Variants in PDZD2 observed in about 807,000 individuals in gnomAD.
PDZD2 encodes the protein PDZ domain-containing protein 2.
Under a neutral mutation model 220.7 loss-of-function variants are expected in PDZD2, and 90 were observed. That is an observed-to-expected ratio of 0.41 (90% CI 0.34 to 0.49). The LOEUF (loss-of-function observed/expected upper bound fraction) is 0.49, where lower values mean the gene tolerates loss of function less well. Ranked by LOEUF, PDZD2 falls within the 20% of genes least tolerant of loss-of-function variation. The probability of loss-of-function intolerance (pLI) is 0.28; values close to 1 mark genes in which losing one functional copy is unlikely to be tolerated. For missense variants in PDZD2, 3,174 were observed against 3,608.5 expected (o/e 0.88, Z 3.08); for synonymous variants, 1,375 against 1,450.5 (o/e 0.95, Z 1.18).
At chr5:31,678,807 A>G (rs1182585768) in intron 1 of PDZD2, among the ~76,000 whole-genome samples, 1 of 152,012 alleles carries the variant, frequency 6.6e-6, no homozygotes, top group Non-Finnish European at 1.5e-5. Context: ...GGATTTCACT[A>G]TGTTGGCCAG....
In PDZD2 at chr5:31,756,434, G is replaced by C. The variant is rs541151175; in HGVS notation, c.-360-42455G>C. ...TTTGTGAGTAATTAAATAAAAGGAAGGGATAGAGGAGCTTGGCAAGACCTC... is the reference window on the plus strand; with the variant it reads ...TTTGTGAGTAATTAAATAAAAGGAACGGATAGAGGAGCTTGGCAAGACCTC... On this transcript the variant is annotated intron_variant, in intron 1 of 24. Transcript: ENST00000438447. Among the ~76,000 whole-genome samples, 21 of 152,334 alleles carry C rather than the reference G, an allele frequency of 1.4e-4. No individual in the cohort carries two copies. The South Asian group carries it at 4.1e-3, about 30-fold the overall frequency.
intron 2 of PDZD2, among the ~76,000 whole-genome samples, chr5:31,939,787 A>G (rs1746059838): frequency 6.6e-6 from 1 of 152,216 alleles, no homozygotes; most frequent in Non-Finnish European, 1.5e-5. Context: ...CCCTTTGGCT[A>G]TGGAAACAAG....
chr5:31,902,333 G>A (rs1161518495), intron 2 of PDZD2, among the ~76,000 whole-genome samples: 1 of 152,018 alleles, frequency 6.6e-6, no homozygotes, highest in Non-Finnish European at 1.5e-5. Context: ...TTTCCCTGAT[G>A]ACTAATGATG....
chr5:32,101,266 C>A, intron 24 of PDZD2, 27 bp downstream of exon 24: 1 of 1,540,380 alleles, frequency 6.5e-7, no homozygotes, highest in South Asian at 1.2e-5. Context: ...CTCAGTCAGC[C>A]TTCTCTCACC....
intron 1 of PDZD2, among the ~76,000 whole-genome samples, chr5:31,798,342 G>A (rs1754165900): frequency 6.6e-6 from 1 of 152,194 alleles, no homozygotes; most frequent in Admixed American, 6.5e-5. Context: ...CTACAGGATG[G>A]CGAAGTTTAG....
chr5:31,666,598 G>C (rs1358059456), intron 1 of PDZD2, among the ~76,000 whole-genome samples: 5 of 152,282 alleles, frequency 3.3e-5, no homozygotes, highest in African/African-American at 1.2e-4. Context: ...AAACAAACTT[G>C]GCAGAATGGT....
intron 1 of PDZD2, among the ~76,000 whole-genome samples, chr5:31,682,589 AG>A (rs935818509): frequency 7.9e-5 from 12 of 152,310 alleles, no homozygotes; most frequent in African/African-American, 2.9e-4. Context: ...CCCCATTTAA[AG>A]TTCTTAATAA....
At chr5:31,975,377 C>T (rs189608222) in intron 2 of PDZD2, among the ~76,000 whole-genome samples, 101 of 152,288 alleles carry the variant, frequency 6.6e-4, no homozygotes, top group Admixed American at 2.5e-3. Flanking sequence ...GAGAACAGCA[C>T]GGGAAACACC....
rs567553775 is a variant in PDZD2, at chr5:32,076,932, T to C, written c.3538-530T>C. 2.0e-5 allele frequency among the ~76,000 whole-genome samples: 3 copies of C among 152,378 alleles called. No homozygotes were observed. In the South Asian group the frequency reaches 6.2e-4, roughly 32 times the overall value. On this transcript the variant is annotated intron_variant, in intron 18 of 24. Coordinates refer to ENST00000438447, the MANE Select transcript of PDZD2 (RefSeq NM_178140.4). ...GGGCCACTTTATCACTCACAATGGATAAATTTCACATGAAGCTGATTTAAC... is the reference window on the plus strand; with the variant it reads ...GGGCCACTTTATCACTCACAATGGACAAATTTCACATGAAGCTGATTTAAC...
intron 7 of PDZD2, among the ~76,000 whole-genome samples, chr5:32,045,483 G>A (rs1478283786): frequency 4.0e-5 from 6 of 149,846 alleles, no homozygotes; most frequent in Non-Finnish European, 5.9e-5. Context: ...GTGCGGTGGC[G>A]TGATCTCAAC....
Position 32,110,016 on chromosome 5 carries a change from C to CAGTG in PDZD2, c.*1882_*1885dup, listed in dbSNP as rs1561634800. On this transcript the variant is annotated 3_prime_UTR_variant, in exon 25 of 25. Transcript: ENST00000438447. ...TTACAGGTAGAATACTGTAGGAAGT[C>CAGTG]AGTGCAAGGTGCATGCTTGATTGAT... 1 of 144,372 alleles carries CAGTG rather than the reference C, an allele frequency of 6.9e-6. No individual in the cohort carries two copies. Among genetic ancestry groups the CAGTG allele is most frequent in the African/African-American group, 2.7e-5 (1 of 37,508 alleles). The allele number at this position is 144,372 out of a possible 1,614,324, so 8.9% of individuals were successfully genotyped here.
chr5:31,731,048 C>A (rs1749507194), intron 1 of PDZD2, among the ~76,000 whole-genome samples: 1 of 152,284 alleles, frequency 6.6e-6, no homozygotes, highest in South Asian at 2.1e-4. Flanking sequence ...TATTTGCAAG[C>A]CTAAATTGCT....
chr5:31,846,165 A>T (rs1272058512), intron 2 of PDZD2, among the ~76,000 whole-genome samples: 2 of 152,006 alleles, frequency 1.3e-5, no homozygotes, highest in African/African-American at 4.8e-5. Flanking sequence ...ACGGAGTCTC[A>T]CTCTGTTGCC....
intron 1 of PDZD2, among the ~76,000 whole-genome samples, chr5:31,650,922 T>C (rs1447090801): frequency 1.3e-5 from 2 of 152,194 alleles, no homozygotes; most frequent in Non-Finnish European, 2.9e-5. Context: ...AACCTCTCCA[T>C]TGAGTCTTGC....
chr5:31,914,810 A>G (rs1005419372), intron 2 of PDZD2, among the ~76,000 whole-genome samples: 3 of 152,256 alleles, frequency 2.0e-5, no homozygotes, highest in African/African-American at 7.2e-5. Flanking sequence ...TTCTTAACAC[A>G]GAATTGACAT....
chr5:32,017,452 A>T (rs1296446298), intron 6 of PDZD2, among the ~76,000 whole-genome samples: 1 of 152,084 alleles, frequency 6.6e-6, no homozygotes, highest in East Asian at 1.9e-4. Context: ...AAAAAAAAAA[A>T]AAATTAGAAA....
intron 1 of PDZD2, among the ~76,000 whole-genome samples, chr5:31,669,843 T>G (rs1309111871): frequency 6.6e-6 from 1 of 152,172 alleles, no homozygotes; most frequent in Admixed American, 6.5e-5. Flanking sequence ...AAGGCTGTCT[T>G]AAATGGGCCG....
intron 6 of PDZD2, among the ~76,000 whole-genome samples, chr5:32,028,684 GT>G (rs1287949594): frequency 0.015 from 1,455 of 97,444 alleles, 10 homozygotes; most frequent in African/African-American, 0.048. Context: ...TGTTTTTTTT[GT>G]TTTTTTTTTT....
chr5:32,096,291 G>A (rs78441702), intron 21 of PDZD2, among the ~76,000 whole-genome samples: 3,822 of 152,072 alleles, frequency 0.025, 172 homozygotes, highest in African/African-American at 0.088. Flanking sequence ...AAAGTTCTGC[G>A]GGACAGTCTA....
Sources: allele counts gnomAD v4.1 joint callset (sites outside exome capture counted in the v4.1 genomes callset), GRCh38; gene constraint gnomAD v4.1.1; transcripts MANE v1.5; gene names NCBI Gene and HGNC (gene_info 2026-07-23, HGNC 2026-07-21).